The following C1orf185 variants were observed in gnomAD, a reference collection of about 807,000 sequenced individuals.
The protein encoded by C1orf185 is chromosome 1 open reading frame 185.
A neutral mutation model predicts 16.1 loss-of-function variants in C1orf185; 13 were observed. The ratio of observed to expected loss-of-function variants is 0.81; its 90% CI spans 0.53 to 1.28. C1orf185 has a LOEUF of 1.28. C1orf185 is among the 50% of genes most tolerant of loss of function. C1orf185 has a pLI of 0.00. For missense variants in C1orf185, 220 were observed against 225.2 expected (o/e 0.98, Z 0.15); for synonymous variants, 80 against 76.9 (o/e 1.04, Z -0.21).
At chr1:51,142,721 T>C (rs1268895696) in intron 3 of C1orf185, among the ~76,000 whole-genome samples, 2 of 152,162 alleles carry the variant, frequency 1.3e-5, no homozygotes, top group Non-Finnish European at 2.9e-5. Flanking sequence ...TTAATGTATC[T>C]GGTATCTGTA....
intron 3 of C1orf185, among the ~76,000 whole-genome samples, chr1:51,131,016 C>T (rs1296055093): frequency 6.6e-6 from 1 of 152,204 alleles, no homozygotes; most frequent in Non-Finnish European, 1.5e-5. Flanking sequence ...AATTCTCCTG[C>T]CTCAGCCTCC....
chr1:51,144,208 C>T (rs1356988582), intron 3 of C1orf185, among the ~76,000 whole-genome samples: 1 of 152,188 alleles, frequency 6.6e-6, no homozygotes, highest in Non-Finnish European at 1.5e-5. Context: ...GAAATGCAGA[C>T]TCTTATACCC....
Position 51,112,538 on chromosome 1 carries a change from T to C in C1orf185, c.91T>C (p.Ser31Pro), listed in dbSNP as rs1646128909. The change falls in exon 2 of 5, where the codon TCA becomes CCA. Residue 31 changes from serine to proline, a missense_variant. Transcript: ENST00000371759. ...TLGIGFFALA[S>P]ALWFLICKRR... ...GGGAATTGGTTTCTTTGCTTTGGCA[T>C]CAGCTTTGTGGTTCCTGATTTGCAA... is the stretch of plus-strand genomic sequence containing the variant. 2 of 1,551,128 alleles carry C rather than the reference T, an allele frequency of 1.3e-6. No individual in the cohort carries two copies. Among genetic ancestry groups the C allele is most frequent in the East Asian group, 4.9e-5 (2 of 40,890 alleles).
Position 51,145,760 on chromosome 1 carries a change from G to T in C1orf185, c.295G>T (p.Ala99Ser), listed in dbSNP as rs1410366582. The T allele has an allele frequency of 1.5e-6, 2 of 1,299,068 alleles. No individual in the cohort carries two copies. Among genetic ancestry groups the T allele is most frequent in the Non-Finnish European group, 2.1e-6 (2 of 958,780 alleles). The allele number at this position is 1,299,068 out of a possible 1,614,324, so 80.5% of individuals were successfully genotyped here. The change falls in exon 4 of 5, where the codon GCA becomes TCA. Residue 99 changes from alanine (A) to serine (S), a missense_variant and splice_region_variant. Transcript: ENST00000371759. ...AAAAAAGGAAGCAGCACATATAAAA[G>T]GTATTTTTTCTCAATAATTTATTAG... ...QRKKEAAHIKAIKDHSKDEPQ... is the reference protein window; with the variant it reads ...QRKKEAAHIKSIKDHSKDEPQ...
intron 1 of C1orf185, among the ~76,000 whole-genome samples, chr1:51,108,019 T>C (rs1570286276): frequency 6.6e-6 from 1 of 152,332 alleles, no homozygotes; most frequent in East Asian, 1.9e-4. Context: ...AAGACTTGAA[T>C]TGCTGGATCG....
intron 3 of C1orf185, among the ~76,000 whole-genome samples, chr1:51,143,705 C>T (rs116561836): frequency 0.021 from 3,269 of 152,252 alleles, 98 homozygotes; most frequent in African/African-American, 0.073. Context: ...GCTTTGTCAC[C>T]CAGTCTGGAA....
chr1:51,118,927 T>C, intron 3 of C1orf185, 126 bp downstream of exon 3: 2 of 724,668 alleles, frequency 2.8e-6, no homozygotes, highest in East Asian at 3.3e-5. Context: ...AGGGACAAAC[T>C]AGTTAGAGTT....
chr1:51,113,769 CCA>C (rs1253618874), intron 2 of C1orf185, among the ~76,000 whole-genome samples: 1 of 152,130 alleles, frequency 6.6e-6, no homozygotes, highest in Non-Finnish European at 1.5e-5. Context: ...CATAATCTTC[CCA>C]CACAGTCTTC....
chr1:51,144,116 T>G (rs1427618914), intron 3 of C1orf185, among the ~76,000 whole-genome samples: 1 of 152,198 alleles, frequency 6.6e-6, no homozygotes, highest in African/African-American at 2.4e-5. Flanking sequence ...TCCCTTATTT[T>G]GGGTAGAATT....
intron 2 of C1orf185, among the ~76,000 whole-genome samples, chr1:51,114,231 T>C (rs1165992000): frequency 6.6e-6 from 1 of 152,192 alleles, no homozygotes. Context: ...AAGAGCCAGA[T>C]CACTTAAGAA....
chr1:51,144,704 C>A (rs766502863), intron 3 of C1orf185, among the ~76,000 whole-genome samples: 35 of 151,918 alleles, frequency 2.3e-4, no homozygotes, highest in Non-Finnish European at 4.4e-4. Context: ...CAGAATGAGA[C>A]CCTGTCTCAG....
At chr1:51,142,990 C>T (rs1389391030) in intron 3 of C1orf185, among the ~76,000 whole-genome samples, 1 of 152,146 alleles carries the variant, frequency 6.6e-6, no homozygotes, top group Non-Finnish European at 1.5e-5. Flanking sequence ...TCTCAAACTC[C>T]TGGCCTCAGG....
intron 3 of C1orf185, among the ~76,000 whole-genome samples, chr1:51,126,439 A>AG (rs1317955290): frequency 6.6e-6 from 1 of 151,980 alleles, no homozygotes; most frequent in Non-Finnish European, 1.5e-5. Flanking sequence ...TAAAAAAAAA[A>AG]TTGTAGAGAT....
Position 51,147,585 on chromosome 1 carries a change from A to G in C1orf185, c.414A>G (p.Leu138=). 2 of 1,551,582 alleles carry G rather than the reference A, an allele frequency of 1.3e-6. No homozygotes were observed. The highest frequency in any genetic ancestry group is 1.7e-6 in the Non-Finnish European group (2 of 1,146,918). ...GTGTTACATTAAGCTTATCAACATT[A>G]CCATCTGATTCTTATTACAGCCAAA... The part of the protein sequence containing the change: ...RSSVTLSLST[L]PSDSYYSQSI... Residue 138 remains leucine, a synonymous_variant, in exon 5 of 5, where the codon TTA becomes TTG. Coordinates refer to ENST00000371759, the MANE Select transcript of C1orf185 (RefSeq NM_001136508.2).
intron 3 of C1orf185, among the ~76,000 whole-genome samples, chr1:51,137,912 G>A (rs539154251): frequency 1.3e-5 from 2 of 152,274 alleles, no homozygotes; most frequent in South Asian, 4.1e-4. Flanking sequence ...GAACGTGGAT[G>A]GAACTCAAGG....
chr1:51,145,064 A>G (rs1195915562), intron 3 of C1orf185, among the ~76,000 whole-genome samples: 1 of 152,180 alleles, frequency 6.6e-6, no homozygotes, highest in Non-Finnish European at 1.5e-5. Context: ...CTAATCCCCT[A>G]AAGTTTGAGA....
chr1:51,115,001 C>A (rs1348385873), intron 2 of C1orf185, among the ~76,000 whole-genome samples: 1 of 152,094 alleles, frequency 6.6e-6, no homozygotes, highest in Non-Finnish European at 1.5e-5. Context: ...TTAATTTTGC[C>A]TGTTCTTGTA....
At chr1:51,134,581 T>C (rs1646308786) in intron 3 of C1orf185, among the ~76,000 whole-genome samples, 1 of 149,952 alleles carries the variant, frequency 6.7e-6, no homozygotes, top group East Asian at 2.0e-4. Context: ...AAAAATAAAA[T>C]AAAATAAAAT....
chr1:51,106,042 C>T (rs948224830), intron 1 of C1orf185, among the ~76,000 whole-genome samples: 6 of 152,022 alleles, frequency 3.9e-5, no homozygotes, highest in African/African-American at 7.3e-5. Flanking sequence ...ACTAATCACA[C>T]CTATTTTCTG....
Sources: gnomAD v4.1 joint callset for allele counts (sites outside exome capture counted in the v4.1 genomes callset) on GRCh38, gnomAD v4.1.1 for gene constraint, MANE v1.5 for transcripts, NCBI Gene and HGNC (gene_info 2026-07-23, HGNC 2026-07-21) for gene names.